Variants in RGS6 observed in about 807,000 individuals in gnomAD.
The protein encoded by RGS6 is regulator of G protein signaling 6.
In RGS6, 30 loss-of-function variants were observed where a neutral mutation model predicts 78.5. The observed-to-expected ratio is 0.38, with a 90% CI of 0.29 to 0.52. The LOEUF is 0.52. Among genes scored for constraint, RGS6 ranks in the 20% least tolerant of loss-of-function variants. RGS6 has a pLI of 0.85. For missense variants in RGS6, 495 were observed against 609.7 expected (o/e 0.81, Z 1.98); for synonymous variants, 206 against 206.0 (o/e 1.00, Z 0.00).
Position 71,977,988 on chromosome 14 carries a change from A to C in RGS6, c.84+13113A>C, listed in dbSNP as rs1193516214. On this transcript the variant is annotated intron_variant, in intron 2 of 17. Coordinates refer to ENST00000553525, the MANE Select transcript of RGS6 (RefSeq NM_001204424.2). ...TGAAGAGGTCCTTCACATCCCTTGT[A>C]AGTTGGATTCCTAGGTATTTTATTC... Among the ~76,000 whole-genome samples, 4 of 151,528 alleles carry C rather than the reference A, an allele frequency of 2.6e-5. No individual in the cohort carries two copies. The South Asian group carries it at 6.3e-4, about 24-fold the overall frequency.
chr14:72,256,666 T>G (rs1001663279), intron 2 of RGS6, among the ~76,000 whole-genome samples: 2 of 152,170 alleles, frequency 1.3e-5, no homozygotes, highest in African/African-American at 2.4e-5. Context: ...CATCCTTGCT[T>G]TAAAATTAAA....
At chr14:72,283,704 G>C (rs2061982767) in intron 2 of RGS6, among the ~76,000 whole-genome samples, 1 of 152,146 alleles carries the variant, frequency 6.6e-6, no homozygotes, top group African/African-American at 2.4e-5. Flanking sequence ...CATGAGAATG[G>C]ACTAATACAG....
intron 2 of RGS6, among the ~76,000 whole-genome samples, chr14:72,336,292 A>G (rs1258887653): frequency 6.6e-6 from 1 of 152,208 alleles, no homozygotes; most frequent in African/African-American, 2.4e-5. Context: ...TCTAGAAAAC[A>G]GTGTCTTTCT....
At chr14:72,036,914 G>T (rs1452280088) in intron 2 of RGS6, among the ~76,000 whole-genome samples, 1 of 152,104 alleles carries the variant, frequency 6.6e-6, no homozygotes, top group Non-Finnish European at 1.5e-5. Context: ...ATTTAAATGT[G>T]TAACTTAGTT....
intron 2 of RGS6, among the ~76,000 whole-genome samples, chr14:72,282,226 G>A (rs1419056280): frequency 1.3e-5 from 2 of 152,132 alleles, no homozygotes; most frequent in African/African-American, 4.8e-5. Flanking sequence ...TTGGTCCTGC[G>A]AGTCACTTTT....
At chr14:72,599,800 C>CTGA in the RGS6 span, among the ~76,000 whole-genome samples, 1 of 151,964 alleles carries the variant, frequency 6.6e-6, no homozygotes, top group Non-Finnish European at 1.5e-5. Flanking sequence ...TGAGGAGGAA[C>CTGA]TGATAAGATT....
chr14:72,542,699 A>G (rs964521165), intron 17 of RGS6, among the ~76,000 whole-genome samples: 1 of 152,242 alleles, frequency 6.6e-6, no homozygotes, highest in Non-Finnish European at 1.5e-5. Flanking sequence ...TGGATAACTC[A>G]TTCAGCTGGA....
intron 3 of RGS6, among the ~76,000 whole-genome samples, chr14:72,403,259 A>G (rs1296419612): frequency 6.6e-6 from 1 of 152,242 alleles, no homozygotes; most frequent in Non-Finnish European, 1.5e-5. Flanking sequence ...ACAATGGAAT[A>G]CTATTCAGCC....
chr14:71,924,275 AT>A, the RGS6 span, among the ~76,000 whole-genome samples: 6 of 151,920 alleles, frequency 3.9e-5, no homozygotes, highest in African/African-American at 7.3e-5. Context: ...TTTGTAATTA[AT>A]TTTTTTTCTA....
chr14:71,888,334 C>T, the RGS6 span, among the ~76,000 whole-genome samples: 1 of 151,422 alleles, frequency 6.6e-6, no homozygotes, highest in Non-Finnish European at 1.5e-5. Context: ...AGGAGAATTG[C>T]TTGAACCCAG....
At chr14:72,612,785 G>C in the RGS6 span, among the ~76,000 whole-genome samples, 3 of 152,360 alleles carry the variant, frequency 2.0e-5, no homozygotes, top group East Asian at 5.8e-4. Context: ...ATAGGTGAAC[G>C]AAGGGAAGAG....
At chr14:72,530,773 C>G (rs1281892235) in intron 15 of RGS6, among the ~76,000 whole-genome samples, 6 of 152,222 alleles carry the variant, frequency 3.9e-5, no homozygotes, top group African/African-American at 1.4e-4. Flanking sequence ...GGCTCTGAGA[C>G]CATTAGGGAT....
the RGS6 span, among the ~76,000 whole-genome samples, chr14:71,902,554 G>A: frequency 6.6e-6 from 1 of 151,954 alleles, no homozygotes; most frequent in African/African-American, 2.4e-5. Context: ...TTCTCAGAGA[G>A]GTGTCTGTTT....
At chr14:72,378,604 A>G (rs1235775213) in intron 3 of RGS6, among the ~76,000 whole-genome samples, 1 of 151,892 alleles carries the variant, frequency 6.6e-6, no homozygotes, top group Admixed American at 6.6e-5. Flanking sequence ...GAGGAAATAA[A>G]TTCCTGAACA....
At chr14:72,546,330 C>T (rs753454854) in intron 17 of RGS6, among the ~76,000 whole-genome samples, 1 of 152,244 alleles carries the variant, frequency 6.6e-6, no homozygotes, top group East Asian at 1.9e-4. Context: ...TTATAAACTA[C>T]AAAATGTAAA....
the RGS6 span, among the ~76,000 whole-genome samples, chr14:71,917,578 G>T: frequency 3.9e-4 from 60 of 152,242 alleles, no homozygotes; most frequent in African/African-American, 1.4e-3. Flanking sequence ...CACAGCTTAG[G>T]CTGCAGCCCT....
intron 3 of RGS6, among the ~76,000 whole-genome samples, chr14:72,447,479 C>A (rs553831406): frequency 1.1e-3 from 165 of 152,264 alleles, no homozygotes; most frequent in African/African-American, 3.9e-3. Flanking sequence ...TTCTCTAAGG[C>A]CTAAAATTTA....
intron 2 of RGS6, among the ~76,000 whole-genome samples, chr14:72,263,875 C>G (rs183047536): frequency 6.6e-6 from 1 of 152,318 alleles, no homozygotes; most frequent in Admixed American, 6.5e-5. Context: ...TAATGTCACC[C>G]ATCTCATGTG....
chr14:72,567,300 T>C (rs962437555), downstream of RGS6, among the ~76,000 whole-genome samples: 14 of 152,260 alleles, frequency 9.2e-5, no homozygotes, highest in Non-Finnish European at 1.8e-4. Flanking sequence ...CCATAACATG[T>C]CCCACCTCAC....
Sources: gnomAD v4.1 joint callset for allele counts (sites outside exome capture counted in the v4.1 genomes callset) on GRCh38, gnomAD v4.1.1 for gene constraint, MANE v1.5 for transcripts, NCBI Gene and HGNC (gene_info 2026-07-23, HGNC 2026-07-21) for gene names.